Variants in TSPAN11 observed in about 807,000 individuals in gnomAD.
TSPAN11 encodes tetraspanin-11.
TSPAN11 carries 29 observed loss-of-function variants against 32.9 expected under a neutral mutation model. The ratio of observed to expected loss-of-function variants is 0.88; its 90% CI spans 0.66 to 1.20. The LOEUF (loss-of-function observed/expected upper bound fraction) is 1.20, where lower values mean the gene tolerates loss of function less well. Among genes scored for constraint, TSPAN11 ranks in the 50% most tolerant of loss-of-function variants. The probability of loss-of-function intolerance (pLI) is 0.00; values close to 1 mark genes in which losing one functional copy is unlikely to be tolerated. For missense variants in TSPAN11, 283 were observed against 329.1 expected (o/e 0.86, Z 1.08); for synonymous variants, 140 against 141.3 (o/e 0.99, Z 0.07).
intron 5 of TSPAN11, among the ~76,000 whole-genome samples, chr12:30,980,132 G>A (rs1400159648): frequency 6.6e-6 from 1 of 152,196 alleles, no homozygotes; most frequent in South Asian, 2.1e-4. Flanking sequence ...TTAAGCTGCC[G>A]CAAGAACCCT....
rs556115904 is a variant in TSPAN11, at chr12:30,981,337, T to TG, written c.457-1193dup. ...AGCTGTATTCACACAAGCGTGATGG[T>TG]GGAAGCAGGTGTCTCTCCTTCACCA... On this transcript the variant is annotated intron_variant, in intron 5 of 7. Coordinates refer to ENST00000546076, the MANE Select transcript of TSPAN11 (RefSeq NM_001370302.1). Among the ~76,000 whole-genome samples, 467 of 152,280 alleles carry TG rather than the reference T, an allele frequency of 3.1e-3. 5 individuals carry two copies. The highest frequency in any genetic ancestry group is 0.01 in the African/African-American group (434 of 41,562).
the TSPAN11 span, among the ~76,000 whole-genome samples, chr12:31,005,299 G>A: frequency 6.6e-6 from 1 of 152,214 alleles, no homozygotes; most frequent in African/African-American, 2.4e-5. Flanking sequence ...AGCCTGGCGA[G>A]GTGCTCAAGG....
intron 3 of TSPAN11, among the ~76,000 whole-genome samples, chr12:30,972,295 A>C (rs1938867399): frequency 6.6e-6 from 1 of 152,222 alleles, no homozygotes; most frequent in South Asian, 2.1e-4. Context: ...GATCAGAGCC[A>C]GGAGGGCAAG....
Position 30,992,070 on chromosome 12 carries a change from T to C in TSPAN11, c.*155T>C, listed in dbSNP as rs1167567799. 2.4e-5 allele frequency: 15 copies of C among 625,488 alleles called. No individual in the cohort carries two copies. The highest frequency in any genetic ancestry group is 5.5e-5 in the African/African-American group (1 of 18,074). The allele number at this position is 625,488 out of a possible 1,614,324, so 38.7% of individuals were successfully genotyped here. A position where few individuals can be genotyped will look rare whatever the true frequency, so the allele number is the denominator to read the frequency against. ...CGAATCCACCGAGTGCCTGAGACCATAGCTTCTGTGCCCACCCAGGCAGAG... is the reference window on the plus strand; with the variant it reads ...CGAATCCACCGAGTGCCTGAGACCACAGCTTCTGTGCCCACCCAGGCAGAG... On this transcript the variant is annotated 3_prime_UTR_variant, in exon 8 of 8. Coordinates refer to ENST00000546076, the MANE Select transcript of TSPAN11 (RefSeq NM_001370302.1).
chr12:30,982,562 G>A lies in TSPAN11; in HGVS notation c.487G>A (p.Asp163Asn), dbSNP rs377711506. 1.4e-4 allele frequency: 220 copies of A among 1,611,702 alleles called. 2 individuals are homozygous for A. The highest frequency in any genetic ancestry group is 3.0e-4 in the Admixed American group (18 of 60,000). Residue 163 changes from aspartate (D) to asparagine (N), a missense_variant, in exon 6 of 8, where the codon GAC (aspartate) becomes AAC (asparagine). By Grantham distance (23) the Asp-to-Asn change is conservative. Transcript: ENST00000546076. ...FKCCGSNSSA[D>N]WQHSTYILLR... ...GTGCTGTGGAAGCAACAGCTCAGCC[G>A]ACTGGCAGCACAGCACGTACATCCT...
chr12:30,990,132 G>A (rs1035192155), intron 7 of TSPAN11, among the ~76,000 whole-genome samples: 2 of 142,902 alleles, frequency 1.4e-5, no homozygotes, highest in Non-Finnish European at 2.9e-5. Context: ...TCAGCGTGGT[G>A]TTCACGTGTG....
chr12:30,978,986 G>A (rs952053040), intron 4 of TSPAN11: 1 of 314,274 alleles, frequency 3.2e-6, no homozygotes. Context: ...GCCAGACCCC[G>A]AAACAGGATC....
At chr12:30,950,945 A>G (rs771815260) in intron 1 of TSPAN11, among the ~76,000 whole-genome samples, 6 of 152,252 alleles carry the variant, frequency 3.9e-5, no homozygotes, top group Non-Finnish European at 7.3e-5. Context: ...AAATTTCTTT[A>G]CAACCTATAA....
At chr12:30,937,085 G>C (rs1164120183) in intron 1 of TSPAN11, among the ~76,000 whole-genome samples, 1 of 152,216 alleles carries the variant, frequency 6.6e-6, no homozygotes, top group Admixed American at 6.5e-5. Context: ...AAGAAGATGT[G>C]ACCAACTTTT....
Position 30,975,671 on chromosome 12 carries a change from T to C in TSPAN11, c.277-2890T>C, listed in dbSNP as rs1950. ...TCCCTGTTCCCCACCCCGTCTTCAA[T>C]AGTAACTGGGGCAGTGGCTTCCCCC... is the stretch of plus-strand genomic sequence containing the variant. On this transcript the variant is annotated intron_variant, in intron 3 of 7. Coordinates refer to ENST00000546076, the MANE Select transcript of TSPAN11 (RefSeq NM_001370302.1). The surrounding 1 kb of genome is among the most constrained non-coding windows in gnomAD (Gnocchi z 4.5). 0.96 allele frequency among the ~76,000 whole-genome samples: 146,440 copies of C among 151,938 alleles called. 70,608 individuals are homozygous for C. The highest frequency in any genetic ancestry group is 0.99 in the African/African-American group (40,837 of 41,442).
rs781006838 is a variant in TSPAN11, at chr12:30,978,579, G to A, written c.295G>A (p.Val99Ile). 1.2e-5 allele frequency: 20 copies of A among 1,614,098 alleles called. No individual in the cohort carries two copies. The highest frequency in any genetic ancestry group is 4.4e-5 in the South Asian group (4 of 91,084). ...CLSTYFCLLL[V>I]IFLVELVAGV... ...CTGCTAGTATTTCTGCCTGTTGCTC[G>A]TCATCTTCCTGGTTGAGCTGGTGGC... Residue 99 changes from valine to isoleucine, a missense_variant, in exon 4 of 8, where the codon GTC (valine) becomes ATC (isoleucine). By Grantham distance (29) the Val-to-Ile change is conservative. Transcript: ENST00000546076.
chr12:31,009,771 A>G, the TSPAN11 span, among the ~76,000 whole-genome samples: 19,153 of 152,216 alleles, frequency 0.13, 1,356 homozygotes, highest in African/African-American at 0.17. Flanking sequence ...AAGGCCAAAC[A>G]TCACGGCACC....
rs374166128 is a variant in TSPAN11 at position 30,982,598 on chromosome 12, G to A, written c.523G>A (p.Ala175Thr). 69 of 1,612,952 alleles carry A rather than the reference G, an allele frequency of 4.3e-5. No homozygotes were observed. The African/African-American group carries it at 6.9e-4, about 16-fold the overall frequency. Residue 175 changes from alanine (A) to threonine (T), a missense_variant, in exon 6 of 8, where the codon GCC becomes ACC. Transcript: ENST00000546076. Reference sequence around the variant, plus strand: ...CAGCACGTACATCCTGTTGCGGGAGGCCGAGGGCCGCCAGGTGCCCGACAG... The same window carrying A: ...CAGCACGTACATCCTGTTGCGGGAGACCGAGGGCCGCCAGGTGCCCGACAG... Reference protein sequence around the residue: ...QHSTYILLREAEGRQVPDSCC... With the variant: ...QHSTYILLRETEGRQVPDSCC...
intron 1 of TSPAN11, among the ~76,000 whole-genome samples, chr12:30,948,618 C>T: frequency 6.6e-6 from 1 of 152,184 alleles, no homozygotes; most frequent in East Asian, 1.9e-4. Flanking sequence ...GGCACCAAGT[C>T]CCTAGGCTGC....
downstream of TSPAN11, among the ~76,000 whole-genome samples, chr12:31,001,264 T>G (rs1401290521): frequency 2.0e-5 from 3 of 152,220 alleles, no homozygotes. Flanking sequence ...TTCAACTCTG[T>G]GGACCATGTC....
chr12:31,014,389 T>C, the TSPAN11 span, among the ~76,000 whole-genome samples: 3 of 152,230 alleles, frequency 2.0e-5, no homozygotes, highest in South Asian at 2.1e-4. Context: ...AACTCTTCCA[T>C]TTAACTCTTA....
intron 1 of TSPAN11, among the ~76,000 whole-genome samples, chr12:30,952,799 G>A (rs975477193): frequency 1.5e-4 from 23 of 152,172 alleles, no homozygotes; most frequent in Non-Finnish European, 1.9e-4. Flanking sequence ...TGAACAGGAC[G>A]ACTGGCTGAT....
At chr12:31,002,438 C>G in the TSPAN11 span, among the ~76,000 whole-genome samples, 1 of 152,206 alleles carries the variant, frequency 6.6e-6, no homozygotes, top group African/African-American at 2.4e-5. The surrounding 1 kb of genome is among the most constrained non-coding windows in gnomAD (Gnocchi z 4.8). Flanking sequence ...CTGCTCTCAT[C>G]TACCATGTGT....
At chr12:30,966,004 A>G (rs1592482566) in intron 3 of TSPAN11, among the ~76,000 whole-genome samples, 1 of 80,376 alleles carries the variant, frequency 1.2e-5, no homozygotes, top group Admixed American at 1.7e-4. Context: ...TCAAAACATT[A>G]TGAGATTTTT....
Sources: allele counts gnomAD v4.1 joint callset (sites outside exome capture counted in the v4.1 genomes callset), GRCh38; gene constraint gnomAD v4.1.1; non-coding constraint Gnocchi (gnomAD v3.1); transcripts MANE v1.5; gene names NCBI Gene and HGNC (gene_info 2026-07-23, HGNC 2026-07-21).